Variants in TNRC18 observed in about 807,000 individuals in gnomAD.
The protein encoded by TNRC18 is trinucleotide repeat-containing gene 18 protein.
Under a neutral mutation model 226.7 loss-of-function variants are expected in TNRC18, and 69 were observed. The observed-to-expected ratio is 0.30, with a 90% CI of 0.25 to 0.37. The LOEUF is 0.37. Among genes scored for constraint, TNRC18 ranks in the 10% least tolerant of loss-of-function variants. The pLI is 1.00. For synonymous variants in TNRC18, 2,449 were observed against 1,927.6 expected (o/e 1.27, Z -7.09); for missense variants, 4,754 against 4,256.6 (o/e 1.12, Z -3.25).
At chr7:5,321,450 A>G (rs1166719803) in intron 21 of TNRC18, among the ~76,000 whole-genome samples, 1 of 151,972 alleles carries the variant, frequency 6.6e-6, no homozygotes, top group Admixed American at 6.6e-5. Context: ...AGATGTCTGC[A>G]AAGACCCCAG....
chr7:5,370,318 A>G (rs1794022221), intron 11 of TNRC18, 57 bp downstream of exon 11: 2 of 1,493,022 alleles, frequency 1.3e-6, no homozygotes, highest in Non-Finnish European at 1.8e-6. Context: ...GCAAGACCCC[A>G]TCACCACAAA....
intron 19 of TNRC18, among the ~76,000 whole-genome samples, chr7:5,326,520 C>G (rs573572905): frequency 3.9e-4 from 59 of 152,188 alleles, no homozygotes; most frequent in Non-Finnish European, 6.5e-4. Flanking sequence ...TGACAGCTGA[C>G]TGATAGCCTC....
chr7:5,352,048 G>C lies in TNRC18; in HGVS notation c.5241C>G (p.Pro1747=). The C allele has an allele frequency of 1.2e-6, 2 of 1,612,660 alleles. No individual in the cohort carries two copies. The highest frequency in any genetic ancestry group is 1.7e-6 in the Non-Finnish European group (2 of 1,179,338). ...EDEEFLKDEW[P]AQGPSSSKLT... ...GTTTGGAGCTGGAGGGGCCTTGGGC[G>C]GGCCACTCGTCCTTCAGGAATTCTT... is the stretch of plus-strand genomic sequence containing the variant. Residue 1747 remains proline (P), a synonymous_variant, in exon 17 of 30, where the codon CCC becomes CCG. Coordinates refer to ENST00000430969, the MANE Select transcript of TNRC18 (RefSeq NM_001080495.3).
At chr7:5,389,445 C>T in intron 4 of TNRC18, 109 bp from the exon 5 acceptor site, 2 of 832,990 alleles carry the variant, frequency 2.4e-6, no homozygotes, top group South Asian at 1.2e-4. Flanking sequence ...ATGCCTCCCC[C>T]AGTGTTTTGG....
chr7:5,313,979 T>G (rs1345758286), intron 26 of TNRC18, 116 bp from the exon 27 acceptor site: 4 of 1,057,036 alleles, frequency 3.8e-6, no homozygotes, highest in Non-Finnish European at 5.0e-6. Context: ...GTTTTTTTTT[T>G]GAGATGGGGT....
intron 21 of TNRC18, among the ~76,000 whole-genome samples, chr7:5,322,078 G>A (rs1408965265): frequency 2.8e-4 from 42 of 152,120 alleles, no homozygotes; most frequent in Non-Finnish European, 8.8e-5. Flanking sequence ...AGAAGATCAA[G>A]ACCATCCTAG....
At position 5,324,416 on chromosome 7, in the gene TNRC18, G is replaced by A; in HGVS notation, c.6301-61C>T. On this transcript the variant is annotated intron_variant, in intron 20 of 29. Transcript: ENST00000430969. The surrounding 1 kb of genome is among the most constrained non-coding windows in gnomAD (Gnocchi z 4.8). ...CCTGAACAGGGGTCCTGCCGGGTTG[G>A]GGACCCTCTCTGGAAACCTGGAGCC... The A allele has an allele frequency of 6.3e-7, 1 of 1,586,518 alleles. No homozygotes were observed. The highest frequency in any genetic ancestry group is 1.1e-5 in the South Asian group (1 of 89,438).
chr7:5,373,594 G>A (rs945779060), intron 10 of TNRC18, among the ~76,000 whole-genome samples: 1 of 152,196 alleles, frequency 6.6e-6, no homozygotes, highest in Admixed American at 6.5e-5. Context: ...CCCCAGGGAG[G>A]AAGAACACAG....
chr7:5,354,774 C>T (rs1190430831), intron 16 of TNRC18, among the ~76,000 whole-genome samples: 1 of 152,172 alleles, frequency 6.6e-6, no homozygotes, highest in Non-Finnish European at 1.5e-5. Context: ...CAGCTTAATT[C>T]CGTGCCAGGT....
rs1305876913 is a variant in TNRC18 at position 5,314,986 on chromosome 7, C to T, written c.7025G>A (p.Gly2342Asp). 6.2e-7 allele frequency: 1 copy of T among 1,606,040 alleles called. No individual in the cohort carries two copies. The highest frequency in any genetic ancestry group is 1.1e-5 in the South Asian group (1 of 89,166). The change falls in exon 26 of 30, where the codon GGT becomes GAT. Residue 2342 changes from glycine (G) to aspartate (D), a missense_variant and splice_region_variant. Physicochemically the swap from Gly to Asp is moderately conservative, Grantham distance 94. Transcript: ENST00000430969. The stretch of plus-strand genomic sequence containing the variant: ...CCCTGGGGACCAGGCCAACCTACCA[C>T]CCTTGGCCTTGGCGCTGGGTTTCCG... ...RGRKPSAKAK[G>D]DRAATLEEGN...
At chr7:5,386,314 A>C (rs28767812) in intron 5 of TNRC18, among the ~76,000 whole-genome samples, 5 of 151,782 alleles carry the variant, frequency 3.3e-5, no homozygotes, top group Admixed American at 6.6e-5. Context: ...AAAGTGACAC[A>C]GGTAGGAGAT....
chr7:5,312,869 G>A lies in TNRC18; in HGVS notation c.8022C>T (p.Asp2674=), dbSNP rs745794619. The change falls in exon 27 of 30, where the codon GAC becomes GAT. Residue 2674 remains aspartate, a synonymous_variant. Transcript: ENST00000430969. The surrounding 1 kb of genome is among the most constrained non-coding windows in gnomAD (Gnocchi z 6.3). The stretch of plus-strand genomic sequence containing the variant: ...CGTCCGAGCTGCAGGAAGAGTCCTC[G>A]TCTGTGGTGGAGGAAGAAGAGGAGG... ...SSSSSSSSTT[D]EDSSCSSDDE... 5.9e-6 allele frequency: 9 copies of A among 1,527,728 alleles called. No homozygotes were observed. The highest frequency in any genetic ancestry group is 2.3e-4 in the Middle Eastern group (1 of 4,412). The allele number at this position is 1,527,728 out of a possible 1,614,324, so 94.6% of individuals were successfully genotyped here. A position where few individuals can be genotyped will look rare whatever the true frequency, so the allele number is the denominator to read the frequency against.
chr7:5,377,775 G>A lies in TNRC18; in HGVS notation c.2255+147C>T, dbSNP rs914201364. The A allele has an allele frequency of 3.4e-5, 34 of 987,202 alleles. No individual in the cohort carries two copies. Among genetic ancestry groups the A allele is most frequent in the Admixed American group, 1.2e-4 (5 of 40,638 alleles). 61.2% of individuals were successfully genotyped at this position (987,202 alleles called of 1,614,324 possible). A position where few individuals can be genotyped will look rare whatever the true frequency, so the allele number is the denominator to read the frequency against. ...CACCTGGCCTGGGCAGGGCTGGCCC[G>A]ATGCTGAGGACCAGAGTGACTCCCG... On this transcript the variant is annotated intron_variant, in intron 6 of 29. Transcript: ENST00000430969. The surrounding 1 kb of genome is among the most constrained non-coding windows in gnomAD (Gnocchi z 5.8).
intron 29 of TNRC18, among the ~76,000 whole-genome samples, 188 bp from the exon 30 acceptor site, chr7:5,308,500 C>T (rs1208214011): frequency 6.6e-6 from 1 of 151,770 alleles, no homozygotes; most frequent in East Asian, 1.9e-4. Flanking sequence ...AGATGGAGAG[C>T]AAATGAGAGA....
chr7:5,414,310 T>C (rs560325068), intron 2 of TNRC18, among the ~76,000 whole-genome samples: 2 of 150,696 alleles, frequency 1.3e-5, no homozygotes, highest in African/African-American at 2.4e-5. Flanking sequence ...ATATTATATA[T>C]GTATATTTAT....
In TNRC18 at chr7:5,324,091, G is replaced by C. The variant is rs1006119129; in HGVS notation, c.6442+123C>G. On this transcript the variant is annotated intron_variant, in intron 21 of 29. Coordinates refer to ENST00000430969, the MANE Select transcript of TNRC18 (RefSeq NM_001080495.3). This position sits in a 1 kb window ranked among gnomAD's most constrained non-coding sequence, Gnocchi z 4.8. ...CGGATAACTCAGCCTCAGGATCTCT[G>C]CTCCTGTGGTTCCCTGCCCCCAGCT... 1 of 1,123,452 alleles carries C rather than the reference G, an allele frequency of 8.9e-7. No homozygotes were observed. The highest frequency in any genetic ancestry group is 1.2e-6 in the Non-Finnish European group (1 of 805,916). 69.6% of individuals were successfully genotyped at this position (1,123,452 alleles called of 1,614,324 possible).
At chr7:5,356,458 T>A (rs1369476013) in intron 16 of TNRC18, among the ~76,000 whole-genome samples, 1 of 152,158 alleles carries the variant, frequency 6.6e-6, no homozygotes, top group East Asian at 1.9e-4. Context: ...GACAAAGCCG[T>A]GGTCCGCAAC....
At position 5,306,866 on chromosome 7, in the gene TNRC18, CAAAAGAAACATAAA is replaced by C. The variant is rs1253909188; in HGVS notation, c.*1226_*1239del. ...CAGAATTTGCCAACAAACAAAATTCCAAAAGAAACATAAAAAAAAAAACCAATAATTCCCCCAAA... is the reference window on the plus strand; with the variant it reads ...CAGAATTTGCCAACAAACAAAATTCCAAAAAAAACCAATAATTCCCCCAAA... On this transcript the variant is annotated 3_prime_UTR_variant, in exon 30 of 30. Coordinates refer to ENST00000430969, the MANE Select transcript of TNRC18 (RefSeq NM_001080495.3). 1 of 120,494 alleles carries C rather than the reference CAAAAGAAACATAAA, an allele frequency of 8.3e-6. No individual in the cohort carries two copies. Among genetic ancestry groups the C allele is most frequent in the Admixed American group, 8.7e-5 (1 of 11,556 alleles). The allele number at this position is 120,494 out of a possible 1,614,324, so 7.5% of individuals were successfully genotyped here. A position where few individuals can be genotyped will look rare whatever the true frequency, so the allele number is the denominator to read the frequency against.
chr7:5,333,534 G>C (rs1465562451), intron 18 of TNRC18, among the ~76,000 whole-genome samples: 1 of 152,068 alleles, frequency 6.6e-6, no homozygotes, highest in Non-Finnish European at 1.5e-5. Context: ...CTCTCTACAC[G>C]ACATGGCCAC....
Sources: gnomAD v4.1 joint callset for allele counts (sites outside exome capture counted in the v4.1 genomes callset) on GRCh38, gnomAD v4.1.1 for gene constraint, Gnocchi (gnomAD v3.1) non-coding constraint, MANE v1.5 for transcripts, NCBI Gene and HGNC (gene_info 2026-07-23, HGNC 2026-07-21) for gene names.